The following RIT2 variants were observed in gnomAD, a reference collection of about 807,000 sequenced individuals.
The protein encoded by RIT2 is Ras like without CAAX 2.
RIT2 carries 24 observed loss-of-function variants against 23.7 expected under a neutral mutation model. The ratio of observed to expected loss-of-function variants is 1.01; its 90% CI spans 0.73 to 1.43. The LOEUF (loss-of-function observed/expected upper bound fraction) is 1.43. RIT2 is among the 40% of genes most tolerant of loss of function. RIT2 has a pLI of 0.00. For synonymous variants in RIT2, 107 were observed against 91.1 expected, an observed-to-expected ratio of 1.17 and a Z score of -0.99; for missense variants, 236 against 266.9, an observed-to-expected ratio of 0.88 and a Z score of 0.81.
intron 3 of RIT2, among the ~76,000 whole-genome samples, chr18:42,971,808 G>A (rs1910367489): frequency 6.6e-6 from 1 of 151,966 alleles, no homozygotes; most frequent in African/African-American, 2.4e-5. Context: ...AGTACACTTA[G>A]TGCTTCTAAA....
chr18:43,111,150 G>A (rs1281215001), intron 1 of RIT2, among the ~76,000 whole-genome samples: 1 of 152,120 alleles, frequency 6.6e-6, no homozygotes, highest in Non-Finnish European at 1.5e-5. Flanking sequence ...ATTTGCAACA[G>A]CATGCATGGA....
At chr18:42,945,422 G>A (rs1432002295) in intron 3 of RIT2, among the ~76,000 whole-genome samples, 1 of 151,862 alleles carries the variant, frequency 6.6e-6, no homozygotes, top group South Asian at 2.1e-4. Context: ...TTTAGGCACA[G>A]GGCTCTTCTT....
intron 4 of RIT2, among the ~76,000 whole-genome samples, chr18:42,828,649 A>G (rs1598671488): frequency 6.6e-6 from 1 of 152,232 alleles, no homozygotes; most frequent in Non-Finnish European, 1.5e-5. Context: ...CTTGGTGGTA[A>G]CTTGACAGGA....
intron 4 of RIT2, among the ~76,000 whole-genome samples, chr18:42,919,559 C>A (rs1309949183): frequency 6.6e-6 from 1 of 151,868 alleles, no homozygotes. Context: ...ACTAAAAATA[C>A]AAAAATTAGC....
chr18:43,078,357 G>A (rs1047068663), intron 1 of RIT2, among the ~76,000 whole-genome samples: 4 of 152,156 alleles, frequency 2.6e-5, no homozygotes, highest in African/African-American at 9.7e-5. Flanking sequence ...CAAGCCTAGA[G>A]AGAAGGGTCT....
At chr18:42,796,375 ACT>A (rs1905361038) in intron 4 of RIT2, among the ~76,000 whole-genome samples, 1 of 151,738 alleles carries the variant, frequency 6.6e-6, no homozygotes, top group African/African-American at 2.4e-5. Flanking sequence ...GAAGGAACAA[ACT>A]CCAGACGCAC....
At chr18:42,901,993 T>A (rs919571616) in intron 4 of RIT2, among the ~76,000 whole-genome samples, 1 of 151,956 alleles carries the variant, frequency 6.6e-6, no homozygotes, top group African/African-American at 2.4e-5. Flanking sequence ...TGTCTTCTTT[T>A]AGACCAGGCA....
chr18:43,053,872 G>T (rs1912440155), intron 1 of RIT2, among the ~76,000 whole-genome samples: 1 of 152,054 alleles, frequency 6.6e-6, no homozygotes, highest in Non-Finnish European at 1.5e-5. Flanking sequence ...TTTAACAGCA[G>T]AAACCAATAG....
chr18:43,091,383 A>G (rs1053103609), intron 1 of RIT2, among the ~76,000 whole-genome samples: 13 of 152,112 alleles, frequency 8.5e-5, no homozygotes, highest in African/African-American at 3.1e-4. Flanking sequence ...GCCAATACCA[A>G]TGAGATTCAC....
intron 4 of RIT2, among the ~76,000 whole-genome samples, chr18:42,852,653 C>T (rs1227262081): frequency 1.3e-5 from 2 of 152,118 alleles, no homozygotes; most frequent in Non-Finnish European, 2.9e-5. Flanking sequence ...ATCACATGCC[C>T]TTTATAACTT....
chr18:42,984,958 GA>G (rs970967298), intron 2 of RIT2, among the ~76,000 whole-genome samples: 58 of 151,474 alleles, frequency 3.8e-4, no homozygotes, highest in Admixed American at 1.2e-3. Flanking sequence ...TGATTGATGT[GA>G]AAAAAAAGTT....
intron 4 of RIT2, among the ~76,000 whole-genome samples, chr18:42,782,629 A>T (rs917370465): frequency 6.6e-6 from 1 of 152,156 alleles, no homozygotes. Context: ...AACATCATGC[A>T]GGCTAGAAAA....
intron 4 of RIT2, among the ~76,000 whole-genome samples, chr18:42,746,577 G>A (rs916301312): frequency 3.3e-5 from 5 of 152,040 alleles, no homozygotes; most frequent in Non-Finnish European, 7.4e-5. Context: ...TAAAAATACA[G>A]TCTCAGTTTA....
chr18:42,951,638 A>C (rs780805037), intron 3 of RIT2, among the ~76,000 whole-genome samples: 37 of 152,040 alleles, frequency 2.4e-4, no homozygotes, highest in Admixed American at 9.2e-4. Context: ...CAGTAATTCC[A>C]CTTCTGAGTA....
intron 2 of RIT2, among the ~76,000 whole-genome samples, chr18:43,012,760 T>G (rs1340158820): frequency 6.6e-6 from 1 of 151,696 alleles, no homozygotes; most frequent in Non-Finnish European, 1.5e-5. Context: ...ACATATATTA[T>G]CTAAATCAGT....
chr18:42,869,525 T>C (rs1907562681), intron 4 of RIT2, among the ~76,000 whole-genome samples: 1 of 152,190 alleles, frequency 6.6e-6, no homozygotes, highest in African/African-American at 2.4e-5. Context: ...GAAAATACTG[T>C]TTCTCTTTAT....
At chr18:42,935,110 A>G (rs1301527162) in intron 3 of RIT2, among the ~76,000 whole-genome samples, 1 of 152,168 alleles carries the variant, frequency 6.6e-6, no homozygotes, top group Non-Finnish European at 1.5e-5. Flanking sequence ...CAGCTGGGAC[A>G]AAGAAAAAAG....
intron 4 of RIT2, among the ~76,000 whole-genome samples, chr18:42,848,441 T>A (rs1344953091): frequency 1.3e-5 from 2 of 152,194 alleles, no homozygotes; most frequent in East Asian, 3.9e-4. Context: ...CAGGCTTCAG[T>A]AGTCCTAACT....
chr18:42,823,087 G>C (rs555063167), intron 4 of RIT2, among the ~76,000 whole-genome samples: 1 of 152,212 alleles, frequency 6.6e-6, no homozygotes, highest in East Asian at 1.9e-4. Context: ...TTAAATTCCT[G>C]ATGGGGTAAA....
Sources: gnomAD v4.1 joint callset for allele counts (sites outside exome capture counted in the v4.1 genomes callset) on GRCh38, gnomAD v4.1.1 for gene constraint, MANE v1.5 for transcripts, NCBI Gene and HGNC (gene_info 2026-07-23, HGNC 2026-07-21) for gene names.